Variants in PCDHGA6 observed in about 807,000 individuals in gnomAD.
PCDHGA6 encodes the protein protocadherin gamma-A6.
PCDHGA6 carries 41 observed loss-of-function variants against 60.6 expected under a neutral mutation model. The ratio of observed to expected loss-of-function variants is 0.68; its 90% CI spans 0.53 to 0.88. PCDHGA6 has a LOEUF of 0.88. Ranked by LOEUF, PCDHGA6 falls within the 40% of genes least tolerant of loss-of-function variation. The pLI, the probability that PCDHGA6 is intolerant of heterozygous loss-of-function variation, is 0.00. For synonymous variants in PCDHGA6, 594 were observed against 524.4 expected (o/e 1.13, Z -1.81); for missense variants, 1,312 against 1,203.0 (o/e 1.09, Z -1.34).
chr5:141,488,837 C>A (rs550655328), intron 1 of PCDHGA6, among the ~76,000 whole-genome samples: 1 of 152,280 alleles, frequency 6.6e-6, no homozygotes, highest in African/African-American at 2.4e-5. Context: ...GCCAAGGGGG[C>A]TGAATCAACC....
At position 141,378,204 on chromosome 5, in the gene PCDHGA6, T is replaced by C. The variant is rs1335712124; in HGVS notation, c.2424+1697T>C. On this transcript the variant is annotated intron_variant, in intron 1 of 3. Coordinates refer to ENST00000517434, the MANE Select transcript of PCDHGA6 (RefSeq NM_018919.3). ...TGCTGTGTGCCTACTACAGTGTCTT[T>C]TGCATACTGTGTGCCTGATAGTATT... The C allele has an allele frequency of 1.4e-4, 22 of 152,240 alleles. 1 individual carries two copies. Among genetic ancestry groups the C allele is most frequent in the Admixed American group, 1.4e-3 (22 of 15,288 alleles). The allele number at this position is 152,240 out of a possible 1,614,324, so 9.4% of individuals were successfully genotyped here.
intron 2 of PCDHGA6, among the ~76,000 whole-genome samples, chr5:141,495,720 G>A (rs1048453188): frequency 2.6e-5 from 4 of 152,080 alleles, no homozygotes; most frequent in Non-Finnish European, 5.9e-5. Context: ...GTAACTACAC[G>A]GGACCCTTAG....
intron 3 of PCDHGA6, among the ~76,000 whole-genome samples, chr5:141,509,791 C>T (rs2099878284): frequency 6.6e-6 from 1 of 152,164 alleles, no homozygotes; most frequent in Non-Finnish European, 1.5e-5. Flanking sequence ...TCATCATCTC[C>T]TCAGCTTCAT....
intron 1 of PCDHGA6, chr5:141,415,268 T>C: frequency 6.2e-7 from 1 of 1,614,174 alleles, no homozygotes; most frequent in Non-Finnish European, 8.5e-7. Flanking sequence ...CTGTACCTGG[T>C]GGTAGCGGTG....
At chr5:141,385,312 C>T (rs1781113045) in intron 1 of PCDHGA6, 1 of 1,611,422 alleles carries the variant, frequency 6.2e-7, no homozygotes, top group African/African-American at 1.3e-5. Context: ...AGAAAACCTG[C>T]CAAGTATTCA....
chr5:141,509,371 T>C (rs2099876508), intron 3 of PCDHGA6, among the ~76,000 whole-genome samples: 1 of 152,258 alleles, frequency 6.6e-6, no homozygotes, highest in South Asian at 2.1e-4. Context: ...AGGTTTTAAC[T>C]GTCTCCTAAC....
intron 1 of PCDHGA6, chr5:141,405,162 C>T: frequency 6.2e-7 from 1 of 1,614,098 alleles, no homozygotes; most frequent in Non-Finnish European, 8.5e-7. Flanking sequence ...GGTGTGCCCA[C>T]CTCACACTTT....
intron 1 of PCDHGA6, chr5:141,388,815 A>G: frequency 1.2e-6 from 2 of 1,613,992 alleles, no homozygotes; most frequent in Non-Finnish European, 1.7e-6. Flanking sequence ...TGAAGAAGTC[A>G]AAGAATATTC....
intron 1 of PCDHGA6, chr5:141,419,854 A>G: frequency 1.9e-6 from 3 of 1,614,078 alleles, no homozygotes; most frequent in Non-Finnish European, 2.5e-6. Flanking sequence ...TGGTGTTCGC[A>G]GATAGCTTGC....
intron 1 of PCDHGA6, chr5:141,409,909 T>C (rs772516694): frequency 1.2e-6 from 2 of 1,613,200 alleles, no homozygotes; most frequent in African/African-American, 2.7e-5. Flanking sequence ...CTCTGGGTCC[T>C]GACGGCTCCG....
At chr5:141,388,133 G>T (rs2091251188) in intron 1 of PCDHGA6, 3 of 1,450,776 alleles carry the variant, frequency 2.1e-6, no homozygotes. Flanking sequence ...AGAGCGGGGA[G>T]TTGCTTGTGA....
Position 141,431,151 on chromosome 5 carries a change from C to T in PCDHGA6, c.2424+54644C>T, listed in dbSNP as rs764416448. The T allele has an allele frequency of 6.2e-7, 1 of 1,614,126 alleles. No individual in the cohort carries two copies. Among genetic ancestry groups the T allele is most frequent in the African/African-American group, 1.3e-5 (1 of 74,954 alleles). On this transcript the variant is annotated intron_variant, in intron 1 of 3. Coordinates refer to ENST00000517434, the MANE Select transcript of PCDHGA6 (RefSeq NM_018919.3). The surrounding 1 kb of genome is among the most constrained non-coding windows in gnomAD (Gnocchi z 4.8). ...GTAAGGGACATTAACGACAATGCGC[C>T]TTACTTTCGTGAAAGTGAATTAGAA...
At position 141,447,140 on chromosome 5, in the gene PCDHGA6, T is replaced by C. The variant is rs770212881; in HGVS notation, c.2425-47667T>C. ...ATGGATTTTTTTGTTTGTTTGTTTT[T>C]TGTTTTTGTTTTTGTTTAAGCGGGG... On this transcript the variant is annotated intron_variant, in intron 1 of 3. Coordinates refer to ENST00000517434, the MANE Select transcript of PCDHGA6 (RefSeq NM_018919.3). Among the ~76,000 whole-genome samples the C allele has an allele frequency of 6.6e-5, 10 of 152,158 alleles. 1 individual carries two copies. Among genetic ancestry groups the C allele is most frequent in the Non-Finnish European group, 1.2e-4 (8 of 68,042 alleles).
rs2099427481 is a variant in PCDHGA6 at position 141,477,973 on chromosome 5, T to A, written c.2425-16834T>A. On this transcript the variant is annotated intron_variant, in intron 1 of 3. Coordinates refer to ENST00000517434, the MANE Select transcript of PCDHGA6 (RefSeq NM_018919.3). The surrounding 1 kb of genome is among the most constrained non-coding windows in gnomAD (Gnocchi z 4.9). The stretch of plus-strand genomic sequence containing the variant: ...TGGGATCCCCTAACCAGAGCCTTTT[T>A]GCCATAGGGCTGCACACTGGTCAAA... 1 of 1,614,030 alleles carries A rather than the reference T, an allele frequency of 6.2e-7. No individual in the cohort carries two copies. The highest frequency in any genetic ancestry group is 8.5e-7 in the Non-Finnish European group (1 of 1,180,030).
At chr5:141,455,537 A>G (rs1158681837) in intron 1 of PCDHGA6, among the ~76,000 whole-genome samples, 2 of 152,162 alleles carry the variant, frequency 1.3e-5, no homozygotes, top group Non-Finnish European at 2.9e-5. Flanking sequence ...CAGGCATATC[A>G]TTCACGTAGC....
chr5:141,452,278 T>C (rs1047687328), intron 1 of PCDHGA6, among the ~76,000 whole-genome samples: 1 of 152,226 alleles, frequency 6.6e-6, no homozygotes, highest in African/African-American at 2.4e-5. Context: ...AACCCTTTCT[T>C]ACTTTCTGAT....
At chr5:141,407,969 A>C (rs900029714) in intron 1 of PCDHGA6, 1 of 708,308 alleles carries the variant, frequency 1.4e-6, no homozygotes, top group Non-Finnish European at 2.2e-6. Flanking sequence ...GCAAGCGCTG[A>C]CGCCGGGGAT....
chr5:141,497,495 T>C (rs193075970), intron 2 of PCDHGA6, among the ~76,000 whole-genome samples: 28 of 151,186 alleles, frequency 1.9e-4, no homozygotes, highest in Admixed American at 1.7e-3. Context: ...TCTCTCTCTC[T>C]CCTCTCTCTG....
intron 1 of PCDHGA6, chr5:141,427,267 A>C (rs1361287845): frequency 6.6e-6 from 3 of 456,648 alleles, no homozygotes; most frequent in Non-Finnish European, 1.3e-5. Flanking sequence ...ATGACCAGCG[A>C]ATGTAAAATT....
Sources: allele counts gnomAD v4.1 joint callset (sites outside exome capture counted in the v4.1 genomes callset), GRCh38; gene constraint gnomAD v4.1.1; non-coding constraint Gnocchi (gnomAD v3.1); transcripts MANE v1.5; gene names NCBI Gene and HGNC (gene_info 2026-07-23, HGNC 2026-07-21).